CNTNAP4: variants seen among roughly 807,000 people sequenced by gnomAD.
CNTNAP4 encodes contactin-associated protein-like 4.
Under a neutral mutation model 148.4 loss-of-function variants are expected in CNTNAP4, and 98 were observed. The ratio of observed to expected loss-of-function variants is 0.66; its 90% CI spans 0.56 to 0.78. The LOEUF (loss-of-function observed/expected upper bound fraction) is 0.78, where lower values mean the gene tolerates loss of function less well. Among genes scored for constraint, CNTNAP4 ranks in the 30% least tolerant of loss-of-function variants. The probability of loss-of-function intolerance (pLI) is 0.00; values close to 1 mark genes in which losing one functional copy is unlikely to be tolerated. For missense variants in CNTNAP4, 1,935 were observed against 1,565.6 expected, an observed-to-expected ratio of 1.24 and a Z score of -3.98; for synonymous variants, 730 against 565.1, an observed-to-expected ratio of 1.29 and a Z score of -4.14.
At position 76,540,730 on chromosome 16, in the gene CNTNAP4, C is replaced by A; in HGVS notation, c.3382C>A (p.His1128Asn). The A allele has an allele frequency of 6.3e-7, 1 of 1,575,036 alleles. No homozygotes were observed. The highest frequency in any genetic ancestry group is 1.2e-5 in the South Asian group (1 of 85,604). Residue 1128 changes from histidine (H) to asparagine (N), a missense_variant, in exon 21 of 24, where the codon CAC becomes AAC. Transcript: ENST00000611870. ...EIDDNRRRQV[H>N]LSSGTEFSAV... is the part of the protein sequence containing the mutation. The stretch of plus-strand genomic sequence containing the variant: ...TGACGATAATAGAAGGAGACAAGTT[C>A]ACCTGTCATCAGGCACAGAATTCAG...
At chr16:76,541,554 A>G (rs2084455890) in intron 21 of CNTNAP4, among the ~76,000 whole-genome samples, 1 of 152,166 alleles carries the variant, frequency 6.6e-6, no homozygotes, top group African/African-American at 2.4e-5. Context: ...CTGGTATTTG[A>G]CACTAATCTG....
At chr16:76,510,765 A>G (rs1180578716) in intron 15 of CNTNAP4, among the ~76,000 whole-genome samples, 1 of 152,162 alleles carries the variant, frequency 6.6e-6, no homozygotes, top group Non-Finnish European at 1.5e-5. Context: ...GAATTCTTTC[A>G]GACTTGAAAG....
intron 3 of CNTNAP4, among the ~76,000 whole-genome samples, chr16:76,384,168 T>C (rs1016039524): frequency 2.0e-5 from 3 of 151,850 alleles, no homozygotes; most frequent in African/African-American, 7.3e-5. Context: ...CTCAGCCTCC[T>C]GAGTAGCTGG....
In CNTNAP4 at chr16:76,427,616, C is replaced by A; in HGVS notation, c.538+17C>A. On this transcript the variant is annotated intron_variant, in intron 4 of 23. Transcript: ENST00000611870. ...GTGCATACAGTAAGTGTTTGTTTAT[C>A]CAATACACTGACATAGATATCAAAA... The A allele has an allele frequency of 6.3e-7, 1 of 1,590,456 alleles. No individual in the cohort carries two copies. Among genetic ancestry groups the A allele is most frequent in the Non-Finnish European group, 8.6e-7 (1 of 1,169,136 alleles).
chr16:76,312,129 T>C (rs946721307), intron 1 of CNTNAP4, among the ~76,000 whole-genome samples: 13 of 152,170 alleles, frequency 8.5e-5, no homozygotes, highest in Admixed American at 2.0e-4. Flanking sequence ...AGAATATTGT[T>C]TCTCAACCTT....
chr16:76,445,809 T>A (rs930104830), intron 4 of CNTNAP4, among the ~76,000 whole-genome samples: 5 of 152,224 alleles, frequency 3.3e-5, no homozygotes, highest in African/African-American at 1.2e-4. Flanking sequence ...ACTGTCATAG[T>A]TGCCTTTAAG....
chr16:76,531,084 G>C (rs1290290996), intron 17 of CNTNAP4, among the ~76,000 whole-genome samples: 2 of 152,134 alleles, frequency 1.3e-5, no homozygotes, highest in Non-Finnish European at 2.9e-5. Context: ...AATCTCTATA[G>C]CTTTGAATTT....
At chr16:76,332,501 C>T (rs1427106997) in intron 2 of CNTNAP4, among the ~76,000 whole-genome samples, 1 of 152,020 alleles carries the variant, frequency 6.6e-6, no homozygotes, top group East Asian at 1.9e-4. Flanking sequence ...TGGGCTCAAG[C>T]AATCTGGCCA....
intron 3 of CNTNAP4, among the ~76,000 whole-genome samples, chr16:76,393,075 C>T (rs1047700929): frequency 2.0e-5 from 3 of 152,190 alleles, no homozygotes; most frequent in African/African-American, 7.2e-5. Flanking sequence ...AGTCTTTCCT[C>T]TGTTTTTCTG....
intron 15 of CNTNAP4, among the ~76,000 whole-genome samples, chr16:76,519,369 C>T (rs1303834724): frequency 6.6e-6 from 1 of 151,866 alleles, no homozygotes; most frequent in Admixed American, 6.6e-5. Flanking sequence ...TCCTTGAAGC[C>T]TTCTATATGA....
chr16:76,299,743 G>C (rs1048847218), intron 1 of CNTNAP4, among the ~76,000 whole-genome samples: 2 of 152,076 alleles, frequency 1.3e-5, no homozygotes, highest in Non-Finnish European at 2.9e-5. Flanking sequence ...TTGGAACCAG[G>C]CCAAATGTCC....
At chr16:76,353,342 T>A (rs556864156) in intron 2 of CNTNAP4, among the ~76,000 whole-genome samples, 44 of 152,338 alleles carry the variant, frequency 2.9e-4, no homozygotes, top group African/African-American at 1.1e-3. Context: ...TCTTGTAATA[T>A]AATGTTTAAA....
At chr16:76,340,195 T>C (rs1964353050) in intron 2 of CNTNAP4, among the ~76,000 whole-genome samples, 1 of 152,060 alleles carries the variant, frequency 6.6e-6, no homozygotes, top group African/African-American at 2.4e-5. Flanking sequence ...AAGGGACTGG[T>C]TATTTAAGAG....
intron 2 of CNTNAP4, among the ~76,000 whole-genome samples, chr16:76,341,387 G>T (rs896255182): frequency 6.6e-6 from 1 of 152,094 alleles, no homozygotes; most frequent in East Asian, 1.9e-4. Context: ...TTTTTTAATT[G>T]AGTTGTTGAA....
chr16:76,308,680 G>T (rs977411454), intron 1 of CNTNAP4, among the ~76,000 whole-genome samples: 1 of 152,226 alleles, frequency 6.6e-6, no homozygotes, highest in Non-Finnish European at 1.5e-5. Context: ...GACTAGCATG[G>T]TTCTGGCTGT....
At chr16:76,483,390 C>T (rs776966090) in intron 12 of CNTNAP4, among the ~76,000 whole-genome samples, 2 of 152,134 alleles carry the variant, frequency 1.3e-5, no homozygotes, top group Non-Finnish European at 2.9e-5. Flanking sequence ...TAGTTTCTTG[C>T]AAGCCTCTGG....
In CNTNAP4 at chr16:76,494,993, T is replaced by C. The variant is rs150436519; in HGVS notation, c.2164T>C (p.Cys722Arg). The change falls in exon 14 of 24, where the codon TGT (cysteine) becomes CGT (arginine). Residue 722 changes from cysteine to arginine, a missense_variant. Coordinates refer to ENST00000611870, the MANE Select transcript of CNTNAP4 (RefSeq NM_033401.5). Reference protein sequence around the residue: ...WGGSSPDLQKCTCGLEGNCID... With the variant: ...WGGSSPDLQKRTCGLEGNCID... ...AGGTTCTTCGCCTGATCTTCAAAAA[T>C]GTACTTGTGGATTAGAGGGAAACTG... 1.2e-6 allele frequency: 2 copies of C among 1,613,550 alleles called. No homozygotes were observed. Among genetic ancestry groups the C allele is most frequent in the Non-Finnish European group, 1.7e-6 (2 of 1,179,674 alleles).
intron 2 of CNTNAP4, among the ~76,000 whole-genome samples, chr16:76,348,303 A>C (rs1289478017): frequency 6.6e-6 from 1 of 152,018 alleles, no homozygotes; most frequent in Non-Finnish European, 1.5e-5. Context: ...AGTTTTGGAA[A>C]TGTTAAAGAG....
intron 2 of CNTNAP4, among the ~76,000 whole-genome samples, chr16:76,353,836 T>C (rs75099323): frequency 1.3e-3 from 195 of 152,320 alleles, no homozygotes; most frequent in African/African-American, 4.5e-3. Flanking sequence ...AAAATAATCT[T>C]GAAGTCTTAT....
Sources: gnomAD v4.1 joint callset for allele counts (sites outside exome capture counted in the v4.1 genomes callset) on GRCh38, gnomAD v4.1.1 for gene constraint, MANE v1.5 for transcripts, NCBI Gene and HGNC (gene_info 2026-07-23, HGNC 2026-07-21) for gene names.